Variants in DLGAP1 observed in about 807,000 individuals in gnomAD.
The protein encoded by DLGAP1 is DLG associated protein 1.
DLGAP1 carries 11 observed loss-of-function variants against 90.8 expected under a neutral mutation model. That is an observed-to-expected ratio of 0.12 (90% CI 0.08 to 0.20). DLGAP1 has a LOEUF of 0.20. Ranked by LOEUF, DLGAP1 falls within the 10% of genes least tolerant of loss-of-function variation. The pLI, the probability that DLGAP1 is intolerant of heterozygous loss-of-function variation, is 1.00. For missense variants in DLGAP1, 1,050 were observed against 1,333.8 expected (o/e 0.79, Z 3.31); for synonymous variants, 558 against 540.7 (o/e 1.03, Z -0.44).
intron 5 of DLGAP1, among the ~76,000 whole-genome samples, chr18:3,757,341 A>G (rs1055836846): frequency 1.3e-5 from 2 of 152,184 alleles, no homozygotes; most frequent in Middle Eastern, 3.2e-3. Context: ...ACCGGGAGGC[A>G]GAGGTTGCAG....
rs565910838 is a variant in DLGAP1, at chr18:3,702,135, T to C, written c.1591+27000A>G. ...GGCACAATCTCGGCTCAATGCAACC[T>C]TTGCCTCCCGGGTTCAAGCGATTCT... On this transcript the variant is annotated intron_variant, in intron 7 of 12. Transcript: ENST00000315677. Among the ~76,000 whole-genome samples, 767 of 152,252 alleles carry C rather than the reference T, an allele frequency of 5.0e-3. 11 individuals carry two copies. Among genetic ancestry groups the C allele is most frequent in the African/African-American group, 0.017 (722 of 41,534 alleles).
At chr18:3,991,259 C>A (rs2149051732) in intron 3 of DLGAP1, among the ~76,000 whole-genome samples, 1 of 152,208 alleles carries the variant, frequency 6.6e-6, no homozygotes, top group Non-Finnish European at 1.5e-5. Flanking sequence ...TTACTGATGT[C>A]TTGCTCAGAC....
At position 4,231,864 on chromosome 18, in the gene DLGAP1, A is replaced by C. The variant is rs545264333; in HGVS notation, c.-266-80577T>G. Among the ~76,000 whole-genome samples, 5 of 152,284 alleles carry C rather than the reference A, an allele frequency of 3.3e-5. 2 individuals carry two copies. The South Asian group carries it at 1.0e-3, about 32-fold the overall frequency. The stretch of plus-strand genomic sequence containing the variant: ...TGAACATTAAATGTCTACAAGATGC[A>C]CACATTAGTAGGGAATATGCTATTG... On this transcript the variant is annotated intron_variant, in intron 1 of 12. Transcript: ENST00000315677.
rs398031872 is a variant in DLGAP1 at position 3,818,346 on chromosome 18, G to GTTTTTT, written c.958-4079_958-4074dup. ...ATTACAGGATAGGGATGTAGGGATG[G>GTTTTTT]TTTTTTTTTTTTTTTTTTTTTTTTT... is the stretch of plus-strand genomic sequence containing the variant. On this transcript the variant is annotated intron_variant, in intron 4 of 12. Transcript: ENST00000315677. Among the ~76,000 whole-genome samples, 38 of 66,510 alleles carry GTTTTTT rather than the reference G, an allele frequency of 5.7e-4. 4 individuals are homozygous for GTTTTTT. Among genetic ancestry groups the GTTTTTT allele is most frequent in the Middle Eastern group, 9.4e-3 (1 of 106 alleles). The allele number at this position is 66,510 out of a possible 152,430, so 43.6% of individuals were successfully genotyped here.
At chr18:3,515,893 A>G (rs1291707699) in intron 10 of DLGAP1, among the ~76,000 whole-genome samples, 1 of 152,126 alleles carries the variant, frequency 6.6e-6, no homozygotes, top group African/African-American at 2.4e-5. Flanking sequence ...CAGTGTTCGC[A>G]GCATCTTCAC....
intron 3 of DLGAP1, among the ~76,000 whole-genome samples, chr18:3,997,031 T>TAAAGCCTGAG (rs1599293579): frequency 2.3e-4 from 3 of 13,022 alleles, no homozygotes; most frequent in Non-Finnish European, 3.2e-4. Context: ...CAGAGTTTTC[T>TAAAGCCTGAG]TTTTTTTTTT....
At chr18:3,898,756 C>A (rs993743472) in intron 3 of DLGAP1, among the ~76,000 whole-genome samples, 2 of 152,112 alleles carry the variant, frequency 1.3e-5, no homozygotes, top group Non-Finnish European at 2.9e-5. Flanking sequence ...AGAAAAATCA[C>A]GCTTTCCAAC....
intron 2 of DLGAP1, among the ~76,000 whole-genome samples, chr18:4,039,263 G>A (rs2074939271): frequency 6.6e-6 from 1 of 152,046 alleles, no homozygotes; most frequent in Non-Finnish European, 1.5e-5. Context: ...TCTGACCCAG[G>A]CCCCACTATC....
intron 2 of DLGAP1, among the ~76,000 whole-genome samples, chr18:4,099,881 C>CT (rs1568396381): frequency 6.6e-6 from 1 of 151,718 alleles, no homozygotes; most frequent in Admixed American, 6.6e-5. Flanking sequence ...ATTTCTTTCT[C>CT]TTTTTTGTGT....
At chr18:4,326,873 G>A (rs1329070768) in intron 1 of DLGAP1, among the ~76,000 whole-genome samples, 3 of 152,028 alleles carry the variant, frequency 2.0e-5, no homozygotes, top group African/African-American at 7.2e-5. Context: ...GGAGAAGGGA[G>A]AGAATCAGAA....
At chr18:4,249,377 G>A (rs1223265722) in intron 1 of DLGAP1, among the ~76,000 whole-genome samples, 1 of 149,362 alleles carries the variant, frequency 6.7e-6, no homozygotes, top group Non-Finnish European at 1.5e-5. Context: ...AAGAGCAAGA[G>A]TGCACCTGGC....
chr18:3,610,226 A>G (rs886599521), intron 7 of DLGAP1, among the ~76,000 whole-genome samples: 7 of 152,216 alleles, frequency 4.6e-5, no homozygotes, highest in Non-Finnish European at 8.8e-5. Context: ...GCCCACAGGC[A>G]GGAATAGCCC....
intron 12 of DLGAP1, among the ~76,000 whole-genome samples, chr18:3,500,122 A>G (rs930402449): frequency 2.0e-5 from 3 of 152,176 alleles, no homozygotes; most frequent in African/African-American, 7.2e-5. Context: ...TGGCCCAGGA[A>G]GCAATTCCAA....
intron 6 of DLGAP1, among the ~76,000 whole-genome samples, chr18:3,741,129 ACCACCACATCAC>A (rs2062958230): frequency 9.2e-6 from 1 of 108,400 alleles, no homozygotes; most frequent in African/African-American, 3.8e-5. Flanking sequence ...CATCACCACC[ACCACCACATCAC>A]CATCACCATC....
chr18:3,501,914 C>G (rs902767072), intron 12 of DLGAP1, among the ~76,000 whole-genome samples: 4 of 146,318 alleles, frequency 2.7e-5, no homozygotes, highest in Admixed American at 1.4e-4. Flanking sequence ...GAGCAATATT[C>G]CCCAAGGCAA....
chr18:3,538,372 A>T (rs921405485), intron 9 of DLGAP1, among the ~76,000 whole-genome samples: 1 of 145,898 alleles, frequency 6.9e-6, no homozygotes, highest in African/African-American at 2.8e-5. Context: ...CTCTCAAATG[A>T]GCCAAAAAAA....
At chr18:3,593,646 C>T (rs990066955) in intron 7 of DLGAP1, 1 of 152,152 alleles carries the variant, frequency 6.6e-6, no homozygotes, top group Non-Finnish European at 1.5e-5. Context: ...TTCCTGTAGT[C>T]ATAAGACACG....
Position 3,569,771 on chromosome 18 carries a change from C to A in DLGAP1, c.1966-2190G>T, listed in dbSNP as rs73940038. Among the ~76,000 whole-genome samples the A allele has an allele frequency of 4.6e-3, 706 of 152,010 alleles. 4 individuals carry two copies. The highest frequency in any genetic ancestry group is 0.016 in the African/African-American group (672 of 41,512). On this transcript the variant is annotated intron_variant, in intron 8 of 12. Coordinates refer to ENST00000315677, the MANE Select transcript of DLGAP1 (RefSeq NM_004746.4). ...TAATTCGCCTTTTTTATTTGAGATGCCAGCTTTATCTGATACCAAACTTTA... is the reference window on the plus strand; with the variant it reads ...TAATTCGCCTTTTTTATTTGAGATGACAGCTTTATCTGATACCAAACTTTA...
At chr18:4,081,910 A>G (rs2075613869) in intron 2 of DLGAP1, among the ~76,000 whole-genome samples, 1 of 152,146 alleles carries the variant, frequency 6.6e-6, no homozygotes, top group African/African-American at 2.4e-5. Flanking sequence ...CTTTTCCTTA[A>G]GAAGAAGGGT....
Sources: gnomAD v4.1 joint callset for allele counts (sites outside exome capture counted in the v4.1 genomes callset) on GRCh38, gnomAD v4.1.1 for gene constraint, MANE v1.5 for transcripts, NCBI Gene and HGNC (gene_info 2026-07-23, HGNC 2026-07-21) for gene names.